Variants in MITF observed in about 807,000 individuals in gnomAD.
MITF encodes melanocyte inducing transcription factor.
A neutral mutation model predicts 60.5 loss-of-function variants in MITF; 17 were observed. The observed-to-expected ratio is 0.28, with a 90% CI of 0.19 to 0.42. The LOEUF (loss-of-function observed/expected upper bound fraction) is 0.42, where lower values mean the gene tolerates loss of function less well. Among genes scored for constraint, MITF ranks in the 10% least tolerant of loss-of-function variants. MITF has a pLI of 1.00. For synonymous variants in MITF, 260 were observed against 248.5 expected, an observed-to-expected ratio of 1.05 and a Z score of -0.43; for missense variants, 622 against 683.5, an observed-to-expected ratio of 0.91 and a Z score of 1.00.
At chr3:69,866,985 TA>T (rs1422771898) in intron 1 of MITF, among the ~76,000 whole-genome samples, 2 of 152,158 alleles carry the variant, frequency 1.3e-5, no homozygotes, top group Non-Finnish European at 2.9e-5. Context: ...AGAACAAGTT[TA>T]AAAAATGGCA....
At chr3:69,808,871 C>A (rs2063055595) in intron 1 of MITF, among the ~76,000 whole-genome samples, 1 of 151,954 alleles carries the variant, frequency 6.6e-6, no homozygotes, top group Non-Finnish European at 1.5e-5. Context: ...GGGAAAAGAT[C>A]ATTTGGGCTG....
rs150396886 is a variant in MITF, at chr3:69,952,064, A to G, written c.955+178A>G. Among the ~76,000 whole-genome samples the G allele has an allele frequency of 3.3e-4, 51 of 152,304 alleles. 1 individual carries two copies. Among genetic ancestry groups the G allele is most frequent in the Middle Eastern group, 3.4e-3 (1 of 294 alleles). ...ATATATTTTCCCCATATTTTATCTC[A>G]GATCAAATTGAATTTTGTATATATA... On this transcript the variant is annotated intron_variant, in intron 7 of 9. Coordinates refer to ENST00000352241, the MANE Select transcript of MITF (RefSeq NM_001354604.2).
chr3:69,825,049 G>A (rs2063333616), intron 1 of MITF, among the ~76,000 whole-genome samples: 1 of 152,114 alleles, frequency 6.6e-6, no homozygotes, highest in African/African-American at 2.4e-5. Flanking sequence ...CTTCTTGCTA[G>A]CTAAGTCTTG....
At chr3:69,808,322 C>T (rs1052080271) in intron 1 of MITF, among the ~76,000 whole-genome samples, 3 of 151,816 alleles carry the variant, frequency 2.0e-5, no homozygotes, top group African/African-American at 7.3e-5. Flanking sequence ...AAGGGGGGCA[C>T]TTTTAAGTAC....
chr3:69,849,436 T>TATC (rs2063789466), intron 1 of MITF, among the ~76,000 whole-genome samples: 1 of 151,964 alleles, frequency 6.6e-6, no homozygotes. Flanking sequence ...TAATGTTTAT[T>TATC]ATAGTGGCTG....
intron 1 of MITF, chr3:69,763,648 G>T (rs1008856031): frequency 2.3e-5 from 28 of 1,238,060 alleles, no homozygotes; most frequent in Middle Eastern, 2.2e-4. Flanking sequence ...TTTCTGAGAC[G>T]GTTCAGTGGA....
chr3:69,902,765 G>A (rs991107857), intron 2 of MITF, among the ~76,000 whole-genome samples: 1 of 151,880 alleles, frequency 6.6e-6, no homozygotes, highest in Non-Finnish European at 1.5e-5. Context: ...CTTTGTCTTT[G>A]ACTTGGTTAT....
At chr3:69,860,748 C>T (rs549214062) in intron 1 of MITF, among the ~76,000 whole-genome samples, 2 of 152,178 alleles carry the variant, frequency 1.3e-5, no homozygotes, top group African/African-American at 4.8e-5. Flanking sequence ...AATATCTTAA[C>T]CATTCTTTAA....
intron 2 of MITF, among the ~76,000 whole-genome samples, chr3:69,892,353 A>G (rs1179416635): frequency 1.3e-5 from 2 of 152,222 alleles, no homozygotes; most frequent in Non-Finnish European, 2.9e-5. Flanking sequence ...GGAGATAGCC[A>G]TTTATCCCTG....
chr3:69,834,846 C>CTTTTTTTTTTTTTTTTTTT (rs71126468), intron 1 of MITF, among the ~76,000 whole-genome samples: 1 of 129,670 alleles, frequency 7.7e-6, no homozygotes, highest in Non-Finnish European at 1.6e-5. Flanking sequence ...GTTTTCTTTT[C>CTTTTTTTTTTTTTTTTTTT]TTTTTTTTTT....
intron 1 of MITF, among the ~76,000 whole-genome samples, chr3:69,847,566 G>A (rs550411005): frequency 3.9e-5 from 6 of 152,218 alleles, no homozygotes; most frequent in South Asian, 2.1e-4. Context: ...AGTGTGTTAC[G>A]TACAGAGAAG....
At position 69,764,431 on chromosome 3, in the gene MITF, A is replaced by G. The variant is rs573374134; in HGVS notation, c.104+24730A>G. Among the ~76,000 whole-genome samples the G allele has an allele frequency of 2.6e-5, 4 of 152,232 alleles. No homozygotes were observed. In the East Asian group the frequency reaches 5.8e-4, roughly 22 times the overall value. On this transcript the variant is annotated intron_variant, in intron 1 of 9. Coordinates refer to ENST00000352241, the MANE Select transcript of MITF (RefSeq NM_001354604.2). ...AAGAATACCACTTCCTCATTTTGCTATTTTCTTGACTAATTATTGTCTTTT... is the reference window on the plus strand; with the variant it reads ...AAGAATACCACTTCCTCATTTTGCTGTTTTCTTGACTAATTATTGTCTTTT...
At chr3:69,935,011 A>G (rs1285226239) in intron 2 of MITF, among the ~76,000 whole-genome samples, 3 of 152,144 alleles carry the variant, frequency 2.0e-5, no homozygotes, top group Non-Finnish European at 4.4e-5. Context: ...ACATGGCCAC[A>G]ATCAGCTGCA....
chr3:69,849,585 G>T (rs917526159), intron 1 of MITF, among the ~76,000 whole-genome samples: 1 of 152,200 alleles, frequency 6.6e-6, no homozygotes, highest in Non-Finnish European at 1.5e-5. Context: ...AAGCTTAGAA[G>T]GCTTGAGTAA....
chr3:69,905,462 G>T (rs927019828), intron 2 of MITF, among the ~76,000 whole-genome samples: 3 of 151,490 alleles, frequency 2.0e-5, no homozygotes, highest in Admixed American at 1.3e-4. Context: ...AGGTCTTCGT[G>T]TGGATTCATT....
At chr3:69,863,859 G>C (rs903562903) in intron 1 of MITF, among the ~76,000 whole-genome samples, 2 of 152,078 alleles carry the variant, frequency 1.3e-5, no homozygotes, top group Non-Finnish European at 2.9e-5. Context: ...ACCGTCCCTG[G>C]CTTGATTTTT....
chr3:69,947,161 A>G (rs886149870), intron 5 of MITF, among the ~76,000 whole-genome samples: 1 of 152,230 alleles, frequency 6.6e-6, no homozygotes, highest in South Asian at 2.1e-4. Context: ...TATGAAAACC[A>G]TATGTGTGAT....
chr3:69,756,293 C>A (rs1704145174), intron 1 of MITF, among the ~76,000 whole-genome samples: 1 of 152,102 alleles, frequency 6.6e-6, no homozygotes, highest in African/African-American at 2.4e-5. Flanking sequence ...TGCCCCACAA[C>A]CCCCGACAGG....
chr3:69,946,254 G>A (rs184723023), intron 5 of MITF, among the ~76,000 whole-genome samples: 324 of 152,270 alleles, frequency 2.1e-3, no homozygotes, highest in Non-Finnish European at 3.7e-3. Flanking sequence ...TCGTAAAGAG[G>A]CAGGATTTTA....
Sources: gnomAD v4.1 joint callset for allele counts (sites outside exome capture counted in the v4.1 genomes callset) on GRCh38, gnomAD v4.1.1 for gene constraint, MANE v1.5 for transcripts, NCBI Gene and HGNC (gene_info 2026-07-23, HGNC 2026-07-21) for gene names.